The following CHL1 variants were observed in gnomAD, a reference collection of about 807,000 sequenced individuals.
CHL1 encodes the protein cell adhesion molecule L1 like.
CHL1 carries 96 observed loss-of-function variants against 141.9 expected under a neutral mutation model. The ratio of observed to expected loss-of-function variants is 0.68; its 90% confidence interval spans 0.57 to 0.80. CHL1 has a LOEUF of 0.80. Ranked by LOEUF, CHL1 falls within the 30% of genes least tolerant of loss-of-function variation. CHL1 has a pLI of 0.00. For missense variants in CHL1, 1,820 were observed against 1,457.2 expected (o/e 1.25, Z -4.05); for synonymous variants, 613 against 502.2 (o/e 1.22, Z -2.95).
chr3:335,736 T>G (rs1452086931), intron 5 of CHL1, among the ~76,000 whole-genome samples: 1 of 152,170 alleles, frequency 6.6e-6, no homozygotes, highest in African/African-American at 2.4e-5. Context: ...ATGAACAGGA[T>G]TTTCTTCCTT....
intron 2 of CHL1, among the ~76,000 whole-genome samples, chr3:295,735 G>T (rs1698131480): frequency 6.6e-6 from 1 of 152,184 alleles, no homozygotes; most frequent in Non-Finnish European, 1.5e-5. Flanking sequence ...AGCACAGGAA[G>T]AGGACTGATA....
chr3:337,395 C>T lies in CHL1; in HGVS notation c.386-3399C>T, dbSNP rs544177006. 3.9e-3 allele frequency among the ~76,000 whole-genome samples: 594 copies of T among 151,698 alleles called. 3 individuals are homozygous for T. Among genetic ancestry groups the T allele is most frequent in the African/African-American group, 0.013 (550 of 41,340 alleles). On this transcript the variant is annotated intron_variant, in intron 5 of 27. Transcript: ENST00000256509. ...TATTTTTTAAATTATACTTTAAGTT[C>T]TAGGGTACATGTGCACAATGTGCAG...
rs1486949921 is a variant in CHL1 at position 342,011 on chromosome 3, G to C, written c.608G>C (p.Cys203Ser). The C allele has an allele frequency of 1.9e-6, 3 of 1,613,512 alleles. No homozygotes were observed. Among genetic ancestry groups the C allele is most frequent in the Non-Finnish European group, 2.5e-6 (3 of 1,179,628 alleles). The change falls in exon 7 of 28, where the codon TGT becomes TCT. Residue 203 changes from cysteine to serine, a missense_variant. Cys to Ser is a moderately radical substitution (Grantham distance 112). Transcript: ENST00000256509. ...VEEKDSRNDY[C>S]CFAAFPRLRT... ...GAAAAGGACAGTCGCAATGACTACT[G>C]TTGCTTTGCTGCATTTCCAAGATTA...
At chr3:239,162 A>G (rs1039996350) in intron 1 of CHL1, among the ~76,000 whole-genome samples, 6 of 152,094 alleles carry the variant, frequency 3.9e-5, no homozygotes, top group Non-Finnish European at 8.8e-5. Flanking sequence ...GACATCATCA[A>G]TCAGAACAGT....
At chr3:202,703 T>C (rs980086064) in intron 1 of CHL1, among the ~76,000 whole-genome samples, 8 of 152,272 alleles carry the variant, frequency 5.3e-5, no homozygotes, top group African/African-American at 1.9e-4. Context: ...CACCCTGGTG[T>C]CATGAAATGT....
chr3:301,597 G>C (rs543022742), intron 2 of CHL1, among the ~76,000 whole-genome samples: 1 of 152,176 alleles, frequency 6.6e-6, no homozygotes, highest in African/African-American at 2.4e-5. Context: ...ATTCAGCATT[G>C]TCTAGTTAAC....
At chr3:347,818 A>T (rs1156469353) in intron 9 of CHL1, among the ~76,000 whole-genome samples, 1 of 152,162 alleles carries the variant, frequency 6.6e-6, no homozygotes, top group East Asian at 1.9e-4. Context: ...CATCATTACC[A>T]TTTCCTACAC....
intron 1 of CHL1, among the ~76,000 whole-genome samples, chr3:205,542 T>C (rs1393997220): frequency 6.6e-6 from 1 of 152,228 alleles, no homozygotes; most frequent in African/African-American, 2.4e-5. Flanking sequence ...TTACCAGTTA[T>C]ATTTTGAGAG....
intron 11 of CHL1, among the ~76,000 whole-genome samples, chr3:359,068 C>G (rs1703974456): frequency 6.7e-6 from 1 of 149,290 alleles, no homozygotes; most frequent in Admixed American, 6.7e-5. Context: ...AAGATATACA[C>G]ATACATAGTA....
In CHL1 at chr3:401,734, A is replaced by G. The variant is rs182253431; in HGVS notation, c.3458+36A>G. 5 of 1,214,836 alleles carry G rather than the reference A, an allele frequency of 4.1e-6. No individual in the cohort carries two copies. The South Asian group carries it at 5.5e-5, about 13-fold the overall frequency. 75.3% of individuals were successfully genotyped at this position (1,214,836 alleles called of 1,614,324 possible). A position where few individuals can be genotyped will look rare whatever the true frequency, so the allele number is the denominator to read the frequency against. On this transcript the variant is annotated intron_variant, in intron 27 of 27. Transcript: ENST00000256509. The stretch of plus-strand genomic sequence containing the variant: ...GGTTCTGTTGTAAAATAAAACACAT[A>G]TTCATCATGTTGAAAGCTTAAGTGA...
At position 405,040 on chromosome 3, in the gene CHL1, G is replaced by A. The variant is rs572792939; in HGVS notation, c.3459-455G>A. Among the ~76,000 whole-genome samples, 25 of 152,110 alleles carry A rather than the reference G, an allele frequency of 1.6e-4. No homozygotes were observed. The South Asian group carries it at 4.4e-3, about 27-fold the overall frequency. On this transcript the variant is annotated intron_variant, in intron 27 of 27. Transcript: ENST00000256509. ...GCTCTCTGGGGCCTCTTCTCTAAGGGCACTAATATCATTCACTAGGGTTCC... is the reference window on the plus strand; with the variant it reads ...GCTCTCTGGGGCCTCTTCTCTAAGGACACTAATATCATTCACTAGGGTTCC...
chr3:342,358 A>G (rs902639784), intron 7 of CHL1, among the ~76,000 whole-genome samples: 2 of 152,198 alleles, frequency 1.3e-5, no homozygotes, highest in African/African-American at 2.4e-5. Context: ...GAAATATACA[A>G]TGAAATTCCA....
intron 1 of CHL1, among the ~76,000 whole-genome samples, chr3:234,131 GA>G (rs1303984838): frequency 1.3e-5 from 2 of 151,704 alleles, no homozygotes; most frequent in East Asian, 3.9e-4. Flanking sequence ...ATTGAGGAAG[GA>G]AATACACTAA....
chr3:312,079 A>G (rs1274356663), intron 2 of CHL1, among the ~76,000 whole-genome samples: 7 of 152,202 alleles, frequency 4.6e-5, no homozygotes, highest in East Asian at 1.9e-4. Context: ...ACCTGTATGT[A>G]TATATAGGTT....
Position 389,414 on chromosome 3 carries a change from A to G in CHL1, c.2410A>G (p.Ile804Val). ...CCCTTATGATGTCAAGGTCCAGGCT[A>G]TCAATCAACTAGGATCTGGGCCTGA... ...YAPYDVKVQAINQLGSGPDPQ... is the reference protein window; with the variant it reads ...YAPYDVKVQAVNQLGSGPDPQ... Residue 804 changes from isoleucine (I) to valine (V), a missense_variant, in exon 20 of 28, where the codon ATC becomes GTC. Ile to Val is a conservative substitution (Grantham distance 29). Coordinates refer to ENST00000256509, the MANE Select transcript of CHL1 (RefSeq NM_006614.4). The G allele has an allele frequency of 3.1e-6, 5 of 1,614,232 alleles. No individual in the cohort carries two copies. The highest frequency in any genetic ancestry group is 3.4e-6 in the Non-Finnish European group (4 of 1,180,046).
rs1172420326 is a variant in CHL1, at chr3:408,266, C to A, written c.*2555C>A. Reference sequence around the variant, plus strand: ...TTGTTCGTTACTGGCTTTACCCTAACTTTCTCTAGTCTACTGTCAATATCA... The same window carrying A: ...TTGTTCGTTACTGGCTTTACCCTAAATTTCTCTAGTCTACTGTCAATATCA... On this transcript the variant is annotated 3_prime_UTR_variant, in exon 28 of 28. Coordinates refer to ENST00000256509, the MANE Select transcript of CHL1 (RefSeq NM_006614.4). 6.6e-6 allele frequency: 1 copy of A among 152,114 alleles called. No homozygotes were observed. Among genetic ancestry groups the A allele is most frequent in the Non-Finnish European group, 1.5e-5 (1 of 68,008 alleles). 9.4% of individuals were successfully genotyped at this position (152,114 alleles called of 1,614,324 possible).
chr3:268,295 A>G (rs184287109), intron 2 of CHL1, among the ~76,000 whole-genome samples: 1 of 152,302 alleles, frequency 6.6e-6, no homozygotes, highest in Non-Finnish European at 1.5e-5. Flanking sequence ...GCACTTTGGG[A>G]GGCTGAGATG....
chr3:248,837 T>G (rs1273995538), intron 2 of CHL1, among the ~76,000 whole-genome samples: 1 of 152,186 alleles, frequency 6.6e-6, no homozygotes, highest in East Asian at 1.9e-4. Flanking sequence ...TTGGGTGATC[T>G]CTTTCATAAG....
chr3:301,070 C>A (rs533418598), intron 2 of CHL1, among the ~76,000 whole-genome samples: 1 of 152,184 alleles, frequency 6.6e-6, no homozygotes, highest in African/African-American at 2.4e-5. Flanking sequence ...TAATGACATG[C>A]CATTGAAGGT....
Sources: allele counts gnomAD v4.1 joint callset (sites outside exome capture counted in the v4.1 genomes callset), GRCh38; gene constraint gnomAD v4.1.1; transcripts MANE v1.5; gene names NCBI Gene and HGNC (gene_info 2026-07-23, HGNC 2026-07-21).